The following FRYL variants were observed in gnomAD, a reference collection of about 807,000 sequenced individuals.
FRYL encodes the protein FRY like transcription coactivator.
A neutral mutation model predicts 351.2 loss-of-function variants in FRYL; 150 were observed. The observed-to-expected ratio is 0.43, with a 90% CI of 0.37 to 0.49. The LOEUF is 0.49. Among genes scored for constraint, FRYL ranks in the 20% least tolerant of loss-of-function variants. The pLI is 0.00. For missense variants in FRYL, 3,036 were observed against 3,619.3 expected (o/e 0.84, Z 4.13); for synonymous variants, 1,153 against 1,257.1 (o/e 0.92, Z 1.75).
At chr4:48,734,871 A>C (rs1401425283) in intron 1 of FRYL, among the ~76,000 whole-genome samples, 8 of 152,198 alleles carry the variant, frequency 5.3e-5, no homozygotes, top group Admixed American at 4.6e-4. Context: ...AAAACTCTAG[A>C]AGAAAACCTA....
rs1578002420 is a variant in FRYL, at chr4:48,537,600, T to C, written c.6394-1773A>G. ...ACCAATTTAATTCACATCCTGCAGG[T>C]TGCTAAAAGCATACGGAGAGGGAAC... On this transcript the variant is annotated intron_variant, in intron 47 of 63. Coordinates refer to ENST00000358350, the MANE Select transcript of FRYL (RefSeq NM_015030.2). Among the ~76,000 whole-genome samples, 3 of 152,086 alleles carry C rather than the reference T, an allele frequency of 2.0e-5. No individual in the cohort carries two copies. In the East Asian group the frequency reaches 5.8e-4, roughly 29 times the overall value.
chr4:48,754,827 A>G (rs1485716662), intron 1 of FRYL, among the ~76,000 whole-genome samples: 1 of 152,020 alleles, frequency 6.6e-6, no homozygotes, highest in East Asian at 1.9e-4. Context: ...TTTTTAGTAG[A>G]GATGGGGTTT....
At chr4:48,524,885 A>G (rs1725670478) in intron 53 of FRYL, among the ~76,000 whole-genome samples, 1 of 152,056 alleles carries the variant, frequency 6.6e-6, no homozygotes, top group South Asian at 2.1e-4. Context: ...TTCTGGACTG[A>G]AAAAAGCAAC....
chr4:48,643,539 T>C (rs964559356), intron 3 of FRYL, among the ~76,000 whole-genome samples: 5 of 152,192 alleles, frequency 3.3e-5, no homozygotes, highest in Admixed American at 1.3e-4. Context: ...GCAAATAATA[T>C]AGGCTGCAAA....
chr4:48,665,661 T>G (rs1761583746), intron 3 of FRYL, among the ~76,000 whole-genome samples: 1 of 152,226 alleles, frequency 6.6e-6, no homozygotes, highest in South Asian at 2.1e-4. Flanking sequence ...CTAGTCCTAA[T>G]GGAACAGAAC....
At chr4:48,722,798 A>AT (rs1769637862) in intron 1 of FRYL, among the ~76,000 whole-genome samples, 1 of 152,200 alleles carries the variant, frequency 6.6e-6, no homozygotes, top group Non-Finnish European at 1.5e-5. Context: ...AATAATCACC[A>AT]TTTACCAGAA....
chr4:48,547,561 A>G (rs1368880935), intron 41 of FRYL, 23 bp downstream of exon 41: 5 of 1,388,338 alleles, frequency 3.6e-6, no homozygotes, highest in Non-Finnish European at 4.9e-6. Context: ...TCTACTTTCA[A>G]ATTGTACATT....
intron 28 of FRYL, among the ~76,000 whole-genome samples, chr4:48,566,234 C>T (rs564047142): frequency 2.6e-5 from 4 of 152,162 alleles, no homozygotes; most frequent in Non-Finnish European, 5.9e-5. Context: ...CATTCTGCTG[C>T]TTTCTGCGGA....
At chr4:48,718,848 A>G (rs1769158652) in intron 1 of FRYL, among the ~76,000 whole-genome samples, 1 of 151,250 alleles carries the variant, frequency 6.6e-6, no homozygotes, top group South Asian at 2.1e-4. Flanking sequence ...TGCTCCCCCA[A>G]CACACAAAAA....
In FRYL at chr4:48,567,139, A is replaced by C. The variant is rs548563704; in HGVS notation, c.3169+109T>G. 204 of 790,360 alleles carry C rather than the reference A, an allele frequency of 2.6e-4. No homozygotes were observed. Among genetic ancestry groups the C allele is most frequent in the South Asian group, 9.5e-4 (43 of 45,378 alleles). 49.0% of individuals were successfully genotyped at this position (790,360 alleles called of 1,614,324 possible). A position where few individuals can be genotyped will look rare whatever the true frequency, so the allele number is the denominator to read the frequency against. On this transcript the variant is annotated intron_variant, in intron 28 of 63. Transcript: ENST00000358350. This position sits in a 1 kb window ranked among gnomAD's most constrained non-coding sequence, Gnocchi z 4.2. The stretch of plus-strand genomic sequence containing the variant: ...CCAGGTTATGCTGACATATTTTTCC[A>C]GTATGTTCATACGTTACTTTATCAA...
intron 1 of FRYL, among the ~76,000 whole-genome samples, chr4:48,749,901 A>T: frequency 6.6e-6 from 1 of 152,236 alleles, no homozygotes; most frequent in South Asian, 2.1e-4. Flanking sequence ...GGGAGGTCAA[A>T]GCAGGAGGAC....
intron 5 of FRYL, 96 bp downstream of exon 5, chr4:48,623,030 A>G: frequency 1.4e-6 from 1 of 732,094 alleles, no homozygotes; most frequent in East Asian, 2.9e-5. Context: ...ATATATAGAA[A>G]TTAAGGAATT....
At chr4:48,521,316 C>T (rs563393968) in intron 54 of FRYL, 101 bp from the exon 55 acceptor site, 33 of 803,132 alleles carry the variant, frequency 4.1e-5, no homozygotes, top group South Asian at 3.0e-4. Context: ...TTATAAAGAG[C>T]TTCTGAGATT....
chr4:48,758,579 G>C (rs1300693883), intron 1 of FRYL, among the ~76,000 whole-genome samples: 3 of 152,140 alleles, frequency 2.0e-5, no homozygotes, highest in Non-Finnish European at 2.9e-5. Context: ...AGTCAGGAAA[G>C]AACAGGTGCT....
At chr4:48,620,893 TGTGCTTTAAAATTAAAGCAAGGGTCAA>T in intron 5 of FRYL, 115 bp from the exon 6 acceptor site, 2 of 929,926 alleles carry the variant, frequency 2.2e-6, no homozygotes. Flanking sequence ...ATGCAATAAA[TGTGCTTTAAAATTAAAGCAAGGGTCAA>T]GGGTTTAGCC....
At chr4:48,516,673 A>C (rs1723690346) in intron 55 of FRYL, among the ~76,000 whole-genome samples, 1 of 152,198 alleles carries the variant, frequency 6.6e-6, no homozygotes, top group Admixed American at 6.5e-5. Flanking sequence ...AAAATGAAGG[A>C]TTTTGACTAG....
chr4:48,767,046 T>C (rs1775030568), intron 1 of FRYL, among the ~76,000 whole-genome samples: 1 of 149,010 alleles, frequency 6.7e-6, no homozygotes, highest in South Asian at 2.1e-4. Flanking sequence ...TATTATATAA[T>C]AAATATATAT....
In FRYL at chr4:48,505,602, C is replaced by G; in HGVS notation, c.8408G>C (p.Cys2803Ser). 1.2e-6 allele frequency: 2 copies of G among 1,605,968 alleles called. No individual in the cohort carries two copies. The highest frequency in any genetic ancestry group is 8.5e-7 in the Non-Finnish European group (1 of 1,173,842). The change falls in exon 60 of 64, where the codon TGT (cysteine) becomes TCT (serine). Residue 2803 changes from cysteine to serine, a missense_variant. This residue lies in a region of FRYL where 1,987 missense variants were observed against 2,311.7 expected (regional missense o/e 0.86). Transcript: ENST00000358350. ...TTCTTTGGCACCAAATGTCCTCTTA[C>G]AATCATCTAGCCACTAAAAATAAGT... The part of the protein sequence containing the change: ...REAAEQWLDD[C>S]KRTFGAKEDM...
intron 1 of FRYL, among the ~76,000 whole-genome samples, chr4:48,761,208 T>A (rs777033591): frequency 2.2e-4 from 33 of 152,164 alleles, no homozygotes; most frequent in Non-Finnish European, 4.4e-4. Context: ...ATATTCCATG[T>A]AGGCTTTGGT....
Sources: gnomAD v4.1 joint callset for allele counts (sites outside exome capture counted in the v4.1 genomes callset) on GRCh38, gnomAD v4.1.1 for gene constraint, gnomAD v4.1.1 regional missense constraint, Gnocchi (gnomAD v3.1) non-coding constraint, MANE v1.5 for transcripts, NCBI Gene and HGNC (gene_info 2026-07-23, HGNC 2026-07-21) for gene names.